DOK6: variants seen among roughly 807,000 people sequenced by gnomAD.
The protein encoded by DOK6 is docking protein 6.
A neutral mutation model predicts 44.0 loss-of-function variants in DOK6; 22 were observed. The ratio of observed to expected loss-of-function variants is 0.50; its 90% confidence interval spans 0.36 to 0.71. DOK6 has a LOEUF of 0.71. DOK6 is among the 30% of genes least tolerant of loss of function. The pLI is 0.00. For synonymous variants in DOK6, 166 were observed against 145.5 expected, an observed-to-expected ratio of 1.14 and a Z score of -1.01; for missense variants, 340 against 416.4, an observed-to-expected ratio of 0.82 and a Z score of 1.60.
chr18:69,570,556 G>C (rs1983090280), intron 2 of DOK6, among the ~76,000 whole-genome samples: 1 of 152,106 alleles, frequency 6.6e-6, no homozygotes, highest in Non-Finnish European at 1.5e-5. Context: ...TCCCAAATTT[G>C]TTGAAAGACA....
intron 2 of DOK6, among the ~76,000 whole-genome samples, chr18:69,583,616 C>T (rs1045144544): frequency 6.6e-6 from 1 of 152,038 alleles, no homozygotes; most frequent in Non-Finnish European, 1.5e-5. Context: ...ATCCCATACA[C>T]GGCAAAGATT....
At chr18:69,626,322 C>T (rs753272512) in intron 3 of DOK6, among the ~76,000 whole-genome samples, 1 of 152,152 alleles carries the variant, frequency 6.6e-6, no homozygotes, top group African/African-American at 2.4e-5. Flanking sequence ...TCCCACATTC[C>T]CCTGACCACT....
At chr18:69,518,028 G>A in intron 1 of DOK6, among the ~76,000 whole-genome samples, 1 of 151,992 alleles carries the variant, frequency 6.6e-6, no homozygotes, top group East Asian at 1.9e-4. Context: ...TTGCCTGCTG[G>A]CCGCTGGCAA....
intron 7 of DOK6, among the ~76,000 whole-genome samples, chr18:69,812,063 TA>T (rs1981256474): frequency 1.3e-5 from 2 of 152,108 alleles, no homozygotes; most frequent in South Asian, 4.1e-4. Flanking sequence ...ATAAATTTAA[TA>T]AATTATATAT....
chr18:69,591,338 G>A (rs2144616815), intron 2 of DOK6, among the ~76,000 whole-genome samples: 1 of 152,134 alleles, frequency 6.6e-6, no homozygotes, highest in South Asian at 2.1e-4. Flanking sequence ...AAGCCTAACA[G>A]TTACTTAAAG....
At chr18:69,607,459 CAA>C (rs761689103) in intron 3 of DOK6, among the ~76,000 whole-genome samples, 19 of 151,960 alleles carry the variant, frequency 1.3e-4, no homozygotes, top group Admixed American at 5.9e-4. Flanking sequence ...AGGAAAATAA[CAA>C]GTCTTATTTA....
chr18:69,690,882 T>A (rs1000057992), intron 4 of DOK6, among the ~76,000 whole-genome samples: 1 of 152,150 alleles, frequency 6.6e-6, no homozygotes, highest in African/African-American at 2.4e-5. Flanking sequence ...TAAAAAGTGT[T>A]AAAGAATATA....
At chr18:69,475,867 A>G (rs187481500) in intron 1 of DOK6, among the ~76,000 whole-genome samples, 10 of 152,284 alleles carry the variant, frequency 6.6e-5, no homozygotes, top group Admixed American at 5.9e-4. Context: ...ATAGCTATTG[A>G]ATGTTTATTT....
rs947647774 is a variant in DOK6 at position 69,401,275 on chromosome 18, C to G, written c.31C>G (p.Gln11Glu). ...CTCCAACTTTAACGACATAGTCAAG[C>G]AGGGCTACGTGAAAATCCGCAGCAG... MASNFNDIVK[Q>E]GYVKIRSRKL... is the part of the protein sequence containing the mutation. The change falls in exon 1 of 8, where the codon CAG becomes GAG. Residue 11 changes from glutamine (Q) to glutamate (E), a missense_variant. Coordinates refer to ENST00000382713, the MANE Select transcript of DOK6 (RefSeq NM_152721.6). The G allele has an allele frequency of 6.3e-7, 1 of 1,584,976 alleles. No individual in the cohort carries two copies. The highest frequency in any genetic ancestry group is 1.4e-5 in the African/African-American group (1 of 72,666).
chr18:69,570,752 C>T (rs28851877), intron 2 of DOK6, among the ~76,000 whole-genome samples: 47,253 of 151,826 alleles, frequency 0.31, 7,712 homozygotes, highest in East Asian at 0.56. Flanking sequence ...GTCTGTGGGA[C>T]ATCTTTAGGA....
At chr18:69,539,183 T>C (rs1165613955) in intron 1 of DOK6, among the ~76,000 whole-genome samples, 1 of 152,178 alleles carries the variant, frequency 6.6e-6, no homozygotes, top group South Asian at 2.1e-4. Flanking sequence ...CTTCATTGGT[T>C]GTCAATATAA....
At chr18:69,558,428 A>G (rs1256565996) in intron 1 of DOK6, among the ~76,000 whole-genome samples, 3 of 151,972 alleles carry the variant, frequency 2.0e-5, no homozygotes, top group Non-Finnish European at 4.4e-5. Context: ...ACTTTGAAAA[A>G]CCATGTCCAA....
chr18:69,616,351 C>T (rs748184453), intron 3 of DOK6, among the ~76,000 whole-genome samples: 2 of 152,132 alleles, frequency 1.3e-5, no homozygotes, highest in African/African-American at 4.8e-5. Context: ...GCTGGGCTGC[C>T]CAGGCCTGGC....
At chr18:69,710,676 C>G (rs901965744) in intron 5 of DOK6, among the ~76,000 whole-genome samples, 3 of 152,120 alleles carry the variant, frequency 2.0e-5, no homozygotes, top group African/African-American at 7.2e-5. Context: ...AACTTCCAGA[C>G]ACTAGATTTC....
At chr18:69,678,713 T>C (rs531737331) in intron 4 of DOK6, among the ~76,000 whole-genome samples, 1 of 152,316 alleles carries the variant, frequency 6.6e-6, no homozygotes, top group African/African-American at 2.4e-5. Context: ...TGGAGTAATA[T>C]TATTCAGCCT....
intron 5 of DOK6, among the ~76,000 whole-genome samples, chr18:69,728,213 C>T (rs1182923960): frequency 6.6e-6 from 1 of 152,242 alleles, no homozygotes. Flanking sequence ...AGGAGTGTAA[C>T]CTTTAGCTCA....
chr18:69,744,850 T>A (rs550899114), intron 6 of DOK6, among the ~76,000 whole-genome samples: 54 of 143,660 alleles, frequency 3.8e-4, no homozygotes, highest in Middle Eastern at 3.9e-3. Context: ...CACTTGAACC[T>A]GGGAGGCAGA....
rs1021371600 is a variant in DOK6, at chr18:69,697,131, TA to T, written c.410-1272del. ...TGGTTATGTTAATTTGTAATTCAAA[TA>T]TTTTTTTTGGCATCAGAGAATCCTT... On this transcript the variant is annotated intron_variant, in intron 4 of 7. Coordinates refer to ENST00000382713, the MANE Select transcript of DOK6 (RefSeq NM_152721.6). 2.2e-3 allele frequency among the ~76,000 whole-genome samples: 315 copies of T among 142,898 alleles called. 1 individual carries two copies. The highest frequency in any genetic ancestry group is 7.2e-3 in the African/African-American group (274 of 38,252). The allele number at this position is 142,898 out of a possible 152,430, so 93.7% of individuals were successfully genotyped here.
chr18:69,774,709 C>A (rs1253428236), intron 7 of DOK6, among the ~76,000 whole-genome samples: 1 of 151,762 alleles, frequency 6.6e-6, no homozygotes, highest in Middle Eastern at 3.2e-3. Context: ...TATAAAATAT[C>A]TTTAGACATA....
Sources: allele counts gnomAD v4.1 joint callset (sites outside exome capture counted in the v4.1 genomes callset), GRCh38; gene constraint gnomAD v4.1.1; transcripts MANE v1.5; gene names NCBI Gene and HGNC (gene_info 2026-07-23, HGNC 2026-07-21).